The following SYTL2 variants were observed in gnomAD, a reference collection of about 807,000 sequenced individuals.
The protein encoded by SYTL2 is synaptotagmin like 2, also known as synaptotagmin-like protein 2.
In SYTL2, 165 loss-of-function variants were observed where a neutral mutation model predicts 198.7. The ratio of observed to expected loss-of-function variants is 0.83; its 90% CI spans 0.73 to 0.94. The LOEUF (loss-of-function observed/expected upper bound fraction) is 0.94, where lower values mean the gene tolerates loss of function less well. SYTL2 is among the 40% of genes least tolerant of loss of function. SYTL2 has a pLI of 0.00. For missense variants in SYTL2, 2,835 were observed against 2,582.8 expected, an observed-to-expected ratio of 1.10 and a Z score of -2.12; for synonymous variants, 966 against 917.7, an observed-to-expected ratio of 1.05 and a Z score of -0.95.
At chr11:85,794,885 T>C (rs1002625562) in intron 1 of SYTL2, among the ~76,000 whole-genome samples, 3 of 152,106 alleles carry the variant, frequency 2.0e-5, no homozygotes, top group Admixed American at 1.3e-4. Flanking sequence ...TTTTTTCTAA[T>C]AAAGAAAACC....
At chr11:85,836,031 G>C in the SYTL2 span, among the ~76,000 whole-genome samples, 3 of 152,286 alleles carry the variant, frequency 2.0e-5, no homozygotes, top group East Asian at 5.8e-4. Flanking sequence ...TGTCTCCAGA[G>C]AACTTGTCTT....
intron 1 of SYTL2, among the ~76,000 whole-genome samples, chr11:85,798,511 C>G (rs1462996351): frequency 1.3e-5 from 2 of 152,124 alleles, no homozygotes; most frequent in Non-Finnish European, 2.9e-5. Flanking sequence ...TTTCATGGTG[C>G]GTTGAAGGGA....
chr11:85,795,070 A>G (rs2092782937), intron 1 of SYTL2, among the ~76,000 whole-genome samples: 1 of 152,126 alleles, frequency 6.6e-6, no homozygotes, highest in Non-Finnish European at 1.5e-5. Flanking sequence ...TAAAATATCT[A>G]CTTAAAATTG....
At chr11:85,741,576 T>A (rs1178903055) in intron 4 of SYTL2, among the ~76,000 whole-genome samples, 2 of 152,118 alleles carry the variant, frequency 1.3e-5, no homozygotes, top group African/African-American at 4.8e-5. Flanking sequence ...AGAAATGAAA[T>A]CTTCACATTA....
At chr11:85,842,701 C>T in the SYTL2 span, among the ~76,000 whole-genome samples, 1 of 152,174 alleles carries the variant, frequency 6.6e-6, no homozygotes, top group African/African-American at 2.4e-5. Flanking sequence ...TCTTGGAGGG[C>T]CTTATCAGCC....
intron 1 of SYTL2, among the ~76,000 whole-genome samples, chr11:85,777,357 T>G (rs1339694109): frequency 6.6e-6 from 1 of 152,194 alleles, no homozygotes; most frequent in Non-Finnish European, 1.5e-5. Context: ...TTACCAAAAG[T>G]GTCTGAGCTA....
At chr11:85,769,190 A>C (rs1456588975) in intron 1 of SYTL2, among the ~76,000 whole-genome samples, 1 of 152,222 alleles carries the variant, frequency 6.6e-6, no homozygotes, top group South Asian at 2.1e-4. Context: ...AATCCCTGGA[A>C]CCTGAAGATA....
At chr11:85,763,036 G>A (rs538005418) in intron 1 of SYTL2, among the ~76,000 whole-genome samples, 121 of 152,216 alleles carry the variant, frequency 7.9e-4, no homozygotes, top group Non-Finnish European at 1.4e-3. Context: ...GCCCATAAAT[G>A]AAAAACTAGG....
intron 1 of SYTL2, among the ~76,000 whole-genome samples, chr11:85,801,507 A>T (rs2092886352): frequency 6.6e-6 from 1 of 152,216 alleles, no homozygotes; most frequent in Non-Finnish European, 1.5e-5. Flanking sequence ...CACCATCTCT[A>T]CAAGTACCAT....
chr11:85,782,552 C>G (rs1028732615), intron 1 of SYTL2, among the ~76,000 whole-genome samples: 6 of 152,234 alleles, frequency 3.9e-5, no homozygotes, highest in African/African-American at 1.4e-4. Flanking sequence ...TTCTGTCACA[C>G]AGTCAGGCTG....
At chr11:85,701,692 C>T (rs1281214159) in intron 16 of SYTL2, among the ~76,000 whole-genome samples, 1 of 152,190 alleles carries the variant, frequency 6.6e-6, no homozygotes, top group Non-Finnish European at 1.5e-5. Flanking sequence ...GGAACTAAAA[C>T]AGTTCCACTG....
intron 1 of SYTL2, among the ~76,000 whole-genome samples, chr11:85,788,817 G>A (rs947590378): frequency 5.9e-5 from 9 of 151,666 alleles, no homozygotes; most frequent in Non-Finnish European, 1.2e-4. Context: ...ATCCATGACT[G>A]AGACACAGAA....
chr11:85,848,649 CTA>C, the SYTL2 span, among the ~76,000 whole-genome samples: 1 of 152,140 alleles, frequency 6.6e-6, no homozygotes, highest in Non-Finnish European at 1.5e-5. Flanking sequence ...TTCTATTGGT[CTA>C]TATGTTTGTC....
At chr11:85,851,258 A>G in the SYTL2 span, among the ~76,000 whole-genome samples, 2 of 152,242 alleles carry the variant, frequency 1.3e-5, no homozygotes, top group Admixed American at 6.5e-5. Context: ...TGTGAGGAAC[A>G]AAGTTATTGG....
intron 1 of SYTL2, among the ~76,000 whole-genome samples, chr11:85,791,417 T>C (rs977924226): frequency 2.6e-5 from 4 of 152,218 alleles, no homozygotes; most frequent in Middle Eastern, 3.4e-3. Context: ...AACAGCAAGT[T>C]CAAAGACACC....
chr11:85,712,998 C>T (rs2086588825), intron 12 of SYTL2, among the ~76,000 whole-genome samples: 1 of 152,180 alleles, frequency 6.6e-6, no homozygotes, highest in Admixed American at 6.5e-5. Flanking sequence ...GGATTACAGG[C>T]ATAAGCTACC....
Position 85,724,789 on chromosome 11 carries a change from A to G in SYTL2, c.4569T>C (p.Leu1523=). The G allele has an allele frequency of 6.2e-7, 1 of 1,613,052 alleles. No homozygotes were observed. Among genetic ancestry groups the G allele is most frequent in the Non-Finnish European group, 8.5e-7 (1 of 1,179,700 alleles). Residue 1523 remains leucine (L), a synonymous_variant, in exon 8 of 20, where the codon CTT becomes CTC. Transcript: ENST00000359152. ...TACTACCTATTAACTTTGATGGAGA[A>G]AGATTCCCTGTATCACTTTCATATT... is the stretch of plus-strand genomic sequence containing the variant. ...PSKYESDTGN[L]SPSKLIGSTE... is the part of the protein sequence containing the mutation.
the SYTL2 span, among the ~76,000 whole-genome samples, chr11:85,817,486 G>A: frequency 1.3e-5 from 2 of 152,166 alleles, no homozygotes; most frequent in African/African-American, 4.8e-5. Context: ...AATGAAATAT[G>A]TTATGAAAAT....
intron 11 of SYTL2, chr11:85,714,754 T>C (rs1266071615): frequency 9.5e-7 from 1 of 1,049,168 alleles, no homozygotes; most frequent in East Asian, 5.2e-5. Context: ...AAAACATTAG[T>C]TTTTATTGAA....
Sources: allele counts gnomAD v4.1 joint callset (sites outside exome capture counted in the v4.1 genomes callset), GRCh38; gene constraint gnomAD v4.1.1; transcripts MANE v1.5; gene names NCBI Gene and HGNC (gene_info 2026-07-23, HGNC 2026-07-21).